Variants in SGO2 observed in about 807,000 individuals in gnomAD.
SGO2 encodes shugoshin-like 2.
Under a neutral mutation model 99.5 loss-of-function variants are expected in SGO2, and 68 were observed. That is an observed-to-expected ratio of 0.68 (90% CI 0.56 to 0.84). SGO2 has a LOEUF of 0.84. SGO2 is among the 40% of genes least tolerant of loss of function. The pLI, the probability that SGO2 is intolerant of heterozygous loss-of-function variation, is 0.00. For synonymous variants in SGO2, 457 were observed against 487.1 expected (o/e 0.94, Z 0.81); for missense variants, 1,350 against 1,436.7 (o/e 0.94, Z 0.97).
Position 200,574,279 on chromosome 2 carries a change from A to G in SGO2, c.3631+302A>G, listed in dbSNP as rs111944237. On this transcript the variant is annotated intron_variant, in intron 7 of 8. Coordinates refer to ENST00000357799, the MANE Select transcript of SGO2 (RefSeq NM_152524.6). ...TTGCTTTTTCATACATCTGAAGGAA[A>G]TTGAATGTTTTAAATGTATATAATA... is the stretch of plus-strand genomic sequence containing the variant. Among the ~76,000 whole-genome samples the G allele has an allele frequency of 9.7e-4, 148 of 152,196 alleles. 1 individual carries two copies. The highest frequency in any genetic ancestry group is 3.5e-3 in the African/African-American group (145 of 41,574).
At position 200,571,729 on chromosome 2, in the gene SGO2, T is replaced by C. The variant is rs750895188; in HGVS notation, c.1383T>C (p.Asn461=). The change falls in exon 7 of 9, where the codon AAT becomes AAC. Residue 461 remains asparagine (N), a synonymous_variant. Coordinates refer to ENST00000357799, the MANE Select transcript of SGO2 (RefSeq NM_152524.6). ...IFNNEQLAQM[N]EQLAQVNELK... ...ATAATGAACAGCTGGCTCAGATGAATGAACAGCTGGCTCAGGTGAATGAAC... is the reference window on the plus strand; with the variant it reads ...ATAATGAACAGCTGGCTCAGATGAACGAACAGCTGGCTCAGGTGAATGAAC... 5 of 1,613,578 alleles carry C rather than the reference T, an allele frequency of 3.1e-6. No homozygotes were observed. The highest frequency in any genetic ancestry group is 1.6e-4 in the Middle Eastern group (1 of 6,084).
chr2:200,532,298 T>TAA, intron 1 of SGO2: 5 of 515,016 alleles, frequency 9.7e-6, no homozygotes, highest in Non-Finnish European at 1.2e-5. Flanking sequence ...TTTTTTTTTT[T>TAA]TCAGATCTCT....
At position 200,573,880 on chromosome 2, in the gene SGO2, G is replaced by A; in HGVS notation, c.3534G>A (p.Leu1178=). ...KNVIIKENFA[L]ECSPAFQVSD... is the part of the protein sequence containing the mutation. ...TGATAATAAAAGAAAATTTTGCCTTGGAGTGCTCCCCAGCCTTTCAAGTAA... is the reference window on the plus strand; with the variant it reads ...TGATAATAAAAGAAAATTTTGCCTTAGAGTGCTCCCCAGCCTTTCAAGTAA... The change falls in exon 7 of 9, where the codon TTG becomes TTA. Residue 1178 remains leucine (L), a synonymous_variant. Transcript: ENST00000357799. 1.9e-6 allele frequency: 3 copies of A among 1,613,096 alleles called. No homozygotes were observed. Among genetic ancestry groups the A allele is most frequent in the South Asian group, 2.2e-5 (2 of 91,014 alleles).
At chr2:200,536,432 C>G (rs887594374) in intron 4 of SGO2, among the ~76,000 whole-genome samples, 1 of 152,080 alleles carries the variant, frequency 6.6e-6, no homozygotes, top group Admixed American at 6.6e-5. Flanking sequence ...AGAAAGGAAG[C>G]ATTTTAAGTG....
In SGO2 at chr2:200,572,959, T is replaced by A; in HGVS notation, c.2613T>A (p.Asp871Glu). ...EFQTVDLLIKDNGNLCDYDTQ... is the reference protein window; with the variant it reads ...EFQTVDLLIKENGNLCDYDTQ... ...AAACAGTTGATCTTCTCATCAAAGA[T>A]AATGGAAATTTATGTGATTATGACA... Residue 871 changes from aspartate to glutamate, a missense_variant, in exon 7 of 9, where the codon GAT becomes GAA. Asp to Glu is a conservative substitution (Grantham distance 45). Coordinates refer to ENST00000357799, the MANE Select transcript of SGO2 (RefSeq NM_152524.6). The A allele has an allele frequency of 6.3e-7, 1 of 1,594,328 alleles. No homozygotes were observed. Among genetic ancestry groups the A allele is most frequent in the Non-Finnish European group, 8.5e-7 (1 of 1,173,638 alleles).
intron 5 of SGO2, among the ~76,000 whole-genome samples, chr2:200,561,149 C>T (rs2032940383): frequency 6.6e-6 from 1 of 152,096 alleles, no homozygotes; most frequent in African/African-American, 2.4e-5. Flanking sequence ...CACCCATTAA[C>T]TCGTCATTTA....
chr2:200,555,859 C>T (rs927484245), intron 5 of SGO2, among the ~76,000 whole-genome samples: 2 of 152,200 alleles, frequency 1.3e-5, no homozygotes, highest in African/African-American at 2.4e-5. Context: ...ACTTTCAATT[C>T]CTGGGGTTTC....
At chr2:200,552,696 G>T (rs1190049714) in intron 5 of SGO2, among the ~76,000 whole-genome samples, 1 of 152,152 alleles carries the variant, frequency 6.6e-6, no homozygotes, top group Non-Finnish European at 1.5e-5. Flanking sequence ...CATATAATGA[G>T]CAGTGAGGTA....
chr2:200,562,005 T>C, intron 5 of SGO2, among the ~76,000 whole-genome samples: 1 of 152,156 alleles, frequency 6.6e-6, no homozygotes, highest in East Asian at 1.9e-4. Context: ...ATTTTGTAGG[T>C]TGCCTGTTCA....
At chr2:200,533,762 GCTGATATAGC>G (rs2031550158) in intron 2 of SGO2, among the ~76,000 whole-genome samples, 2 of 152,122 alleles carry the variant, frequency 1.3e-5, no homozygotes, top group Admixed American at 6.6e-5. Flanking sequence ...CACATTATCT[GCTGATATAGC>G]TCCTGCGAAG....
At position 200,573,796 on chromosome 2, in the gene SGO2, T is replaced by A. The variant is rs376862098; in HGVS notation, c.3450T>A (p.Ser1150=). The change falls in exon 7 of 9, where the codon TCT becomes TCA. Residue 1150 remains serine, a synonymous_variant. Coordinates refer to ENST00000357799, the MANE Select transcript of SGO2 (RefSeq NM_152524.6). ...TACATTCACCTAACATACAAGATTC[T>A]TCCTTTGACAGTGTTCGTGAAGGTT... The part of the protein sequence containing the change: ...SEIHSPNIQD[S]SFDSVREGLV... 34 of 1,612,406 alleles carry A rather than the reference T, an allele frequency of 2.1e-5. No individual in the cohort carries two copies. Among genetic ancestry groups the A allele is most frequent in the Middle Eastern group, 3.3e-4 (2 of 6,070 alleles).
chr2:200,567,318 T>C (rs537902519), intron 5 of SGO2, among the ~76,000 whole-genome samples: 5 of 152,390 alleles, frequency 3.3e-5, no homozygotes, highest in Admixed American at 2.6e-4. Flanking sequence ...GTCAGTTTTA[T>C]TGTTCATTTA....
chr2:200,572,060 A>G lies in SGO2; in HGVS notation c.1714A>G (p.Asn572Asp). The G allele has an allele frequency of 1.2e-6, 2 of 1,613,548 alleles. No homozygotes were observed. The highest frequency in any genetic ancestry group is 1.1e-5 in the South Asian group (1 of 90,998). Reference protein sequence around the residue: ...LDVTNEFHTANLSTKDNGNLC... With the variant: ...LDVTNEFHTADLSTKDNGNLC... ...CGTCACAAATGAATTTCACACAGCC[A>G]ATCTTTCCACCAAAGATAATGGAAA... The change falls in exon 7 of 9, where the codon AAT (asparagine) becomes GAT (aspartate). Residue 572 changes from asparagine (N) to aspartate (D), a missense_variant. Asn to Asp is a conservative substitution (Grantham distance 23). Transcript: ENST00000357799.
chr2:200,546,355 A>G (rs1407306772), intron 5 of SGO2, among the ~76,000 whole-genome samples: 6 of 49,512 alleles, frequency 1.2e-4, no homozygotes, highest in African/African-American at 4.3e-4. Flanking sequence ...TCCATCTGGA[A>G]AAAAAAAAAA....
Position 200,566,296 on chromosome 2 carries a change from A to G in SGO2, c.474-3367A>G, listed in dbSNP as rs146256270. Among the ~76,000 whole-genome samples the G allele has an allele frequency of 2.2e-3, 337 of 151,652 alleles. 2 individuals are homozygous for G. Among genetic ancestry groups the G allele is most frequent in the African/African-American group, 7.8e-3 (323 of 41,314 alleles). ...GTTAGTTTTCCTTCTTACAGTCAGG[A>G]CTCTCAGCTGCAAGTCTGTTGGAGT... On this transcript the variant is annotated intron_variant, in intron 5 of 8. Coordinates refer to ENST00000357799, the MANE Select transcript of SGO2 (RefSeq NM_152524.6).
At chr2:200,553,386 C>G (rs943759843) in intron 5 of SGO2, among the ~76,000 whole-genome samples, 3 of 152,132 alleles carry the variant, frequency 2.0e-5, no homozygotes, top group Non-Finnish European at 4.4e-5. Context: ...AATTAGAATA[C>G]TGATTGAGAT....
At chr2:200,529,467 GTGATAGATGT>G (rs2031259493) in intron 1 of SGO2, among the ~76,000 whole-genome samples, 3 of 152,292 alleles carry the variant, frequency 2.0e-5, no homozygotes, top group South Asian at 4.1e-4. Flanking sequence ...ATGTTAGATA[GTGATAGATGT>G]TGAGGGAAGG....
chr2:200,574,398 T>C (rs553738422), intron 7 of SGO2, among the ~76,000 whole-genome samples: 2 of 152,186 alleles, frequency 1.3e-5, no homozygotes, highest in South Asian at 4.1e-4. Flanking sequence ...TTTAATGTGA[T>C]CAAACCCTTC....
chr2:200,573,380 T>C lies in SGO2; in HGVS notation c.3034T>C (p.Ser1012Pro). 1.2e-6 allele frequency: 2 copies of C among 1,601,818 alleles called. No homozygotes were observed. Among genetic ancestry groups the C allele is most frequent in the Middle Eastern group, 1.7e-4 (1 of 5,984 alleles). Residue 1012 changes from serine to proline, a missense_variant, in exon 7 of 9, where the codon TCT (serine) becomes CCT (proline). Ser to Pro is a moderately conservative substitution (Grantham distance 74). Coordinates refer to ENST00000357799, the MANE Select transcript of SGO2 (RefSeq NM_152524.6). ...KNKLASQLTE[S>P]SQTSISLESD... ...CAAACTTGCTTCACAGTTAACAGAA[T>C]CTTCACAGACATCTATCTCCTTAGA...
Sources: gnomAD v4.1 joint callset for allele counts (sites outside exome capture counted in the v4.1 genomes callset) on GRCh38, gnomAD v4.1.1 for gene constraint, MANE v1.5 for transcripts, NCBI Gene and HGNC (gene_info 2026-07-23, HGNC 2026-07-21) for gene names.